The following GPRIN2 variants were observed in gnomAD, a reference collection of about 807,000 sequenced individuals.
The protein encoded by GPRIN2 is G protein-regulated inducer of neurite outgrowth 2.
In GPRIN2, 1 loss-of-function variant was observed where a neutral mutation model predicts 0.3. The observed-to-expected ratio is 3.90, with a 90% CI of 1.39 to 18.51. GPRIN2 has a LOEUF of 18.51. Ranked by LOEUF, GPRIN2 falls within the 30% of genes most tolerant of loss-of-function variation. The pLI is 0.11. For synonymous variants in GPRIN2, 361 were observed against 258.6 expected (o/e 1.40, Z -3.80); for missense variants, 880 against 604.2 (o/e 1.46, Z -4.79).
At position 46,548,629 on chromosome 10, in the gene GPRIN2, CT is replaced by C. The variant is rs1196386110; in HGVS notation, c.*730del. Among the ~76,000 whole-genome samples, 1 of 152,304 alleles carries C rather than the reference CT, an allele frequency of 6.6e-6. No individual in the cohort carries two copies. Among genetic ancestry groups the C allele is most frequent in the Non-Finnish European group, 1.5e-5 (1 of 68,056 alleles). On this transcript the variant is annotated 3_prime_UTR_variant, in exon 3 of 3. Coordinates refer to ENST00000374314, the MANE Select transcript of GPRIN2 (RefSeq NM_001385282.1). ...TGAGCTCAGCCAGGGCAGGGGCAGC[CT>C]CTGTCTCATTCACCACAGAATCCAC...
rs1228761197 is a variant in GPRIN2, at chr10:46,556,533, C to G, written c.-153G>C. Among the ~76,000 whole-genome samples, 2 of 152,242 alleles carry G rather than the reference C, an allele frequency of 1.3e-5. No homozygotes were observed. Among genetic ancestry groups the G allele is most frequent in the Non-Finnish European group, 2.9e-5 (2 of 68,030 alleles). ...GCCGGGGCCGCGCAGGCGGGGGAAG[C>G]GCTGCTCCTGCGGCCGCCACAGGTG... On this transcript the variant is annotated 5_prime_UTR_variant, in exon 1 of 3. Coordinates refer to ENST00000374314, the MANE Select transcript of GPRIN2 (RefSeq NM_001385282.1).
At chr10:46,555,056 CTT>C (rs1831948035) in intron 1 of GPRIN2, among the ~76,000 whole-genome samples, 176 of 152,296 alleles carry the variant, frequency 1.2e-3, no homozygotes, top group East Asian at 6.0e-3. Context: ...ACGTGATTCT[CTT>C]GTCTTAGTCT....
intron 1 of GPRIN2, among the ~76,000 whole-genome samples, chr10:46,555,978 C>A (rs1410932682): frequency 6.6e-6 from 1 of 152,306 alleles, no homozygotes; most frequent in African/African-American, 2.4e-5. Context: ...AGCTCCCCTC[C>A]CGCCCCTCCT....
At position 46,544,844 on chromosome 10, in the gene GPRIN2, C is replaced by G. The variant is rs1333966162; in HGVS notation, c.*4516G>C. On this transcript the variant is annotated 3_prime_UTR_variant, in exon 3 of 3. Coordinates refer to ENST00000374314, the MANE Select transcript of GPRIN2 (RefSeq NM_001385282.1). ...TGGATCTTAACAGATCAGACTTAAA[C>G]TAATTTGCCCATGATGACCGTGTGG... Among the ~76,000 whole-genome samples the G allele has an allele frequency of 7.9e-5, 12 of 152,282 alleles. No individual in the cohort carries two copies. The highest frequency in any genetic ancestry group is 1.3e-4 in the Non-Finnish European group (9 of 68,042).
In GPRIN2 at chr10:46,549,516, G is replaced by C; in HGVS notation, c.1221C>G (p.Ile407Met). 6.2e-7 allele frequency: 1 copy of C among 1,612,950 alleles called. No homozygotes were observed. ...AVDLEVLGVA[I>M]QKHLEMQFEQ... ...CAAACTGCATCTCCAGGTGCTTCTG[G>C]ATGGCCACACCGAGCACCTCCAGGT... The change falls in exon 3 of 3, where the codon ATC (isoleucine) becomes ATG (methionine). Residue 407 changes from isoleucine to methionine, a missense_variant. Ile to Met is a conservative substitution (Grantham distance 10). Coordinates refer to ENST00000374314, the MANE Select transcript of GPRIN2 (RefSeq NM_001385282.1).
In GPRIN2 at chr10:46,548,383, C is replaced by T. The variant is rs1172550127; in HGVS notation, c.*977G>A. ...AACTCCTGCCCTGTCCCCCTCCATTCCTGCCCTCCCTCCTTCCACAAACTG... is the reference window on the plus strand; with the variant it reads ...AACTCCTGCCCTGTCCCCCTCCATTTCTGCCCTCCCTCCTTCCACAAACTG... On this transcript the variant is annotated 3_prime_UTR_variant, in exon 3 of 3. Coordinates refer to ENST00000374314, the MANE Select transcript of GPRIN2 (RefSeq NM_001385282.1). Among the ~76,000 whole-genome samples the T allele has an allele frequency of 6.6e-6, 1 of 152,414 alleles. No homozygotes were observed. Among genetic ancestry groups the T allele is most frequent in the African/African-American group, 2.4e-5 (1 of 41,608 alleles).
At chr10:46,556,795 C>T (rs1273800671), upstream of GPRIN2, among the ~76,000 whole-genome samples, 2 of 152,274 alleles carry the variant, frequency 1.3e-5, no homozygotes, top group Non-Finnish European at 2.9e-5. Flanking sequence ...CGCGCGCCCC[C>T]ACCCCTCCTT....
rs1461233496 is a variant in GPRIN2 at position 46,545,967 on chromosome 10, G to A, written c.*3393C>T. 1.3e-5 allele frequency among the ~76,000 whole-genome samples: 2 copies of A among 152,306 alleles called. No individual in the cohort carries two copies. The highest frequency in any genetic ancestry group is 2.9e-5 in the Non-Finnish European group (2 of 68,054). ...CTCCAGCTTTAGCCCACTAAGCTAC[G>A]GTGGCCAACCCCAGCCCAAAGTGTT... On this transcript the variant is annotated 3_prime_UTR_variant, in exon 3 of 3. Coordinates refer to ENST00000374314, the MANE Select transcript of GPRIN2 (RefSeq NM_001385282.1).
Position 46,542,610 on chromosome 10 carries a change from T to C in GPRIN2, c.*6750A>G, listed in dbSNP as rs1239536724. On this transcript the variant is annotated 3_prime_UTR_variant, in exon 3 of 3. Transcript: ENST00000374314. ...TGAGGCTCCCCGGGCCACGTGGAAC[T>C]GTGAGTCAATTAAACCTCTTTCCTT... 6.7e-6 allele frequency among the ~76,000 whole-genome samples: 1 copy of C among 149,538 alleles called. No individual in the cohort carries two copies. The highest frequency in any genetic ancestry group is 2.6e-5 in the African/African-American group (1 of 38,870).
rs1035834942 is a variant in GPRIN2, at chr10:46,546,006, A to G, written c.*3354T>C. On this transcript the variant is annotated 3_prime_UTR_variant, in exon 3 of 3. Transcript: ENST00000374314. ...GCCCAAAGTGTTGGGACCTGCGTGT[A>G]GAAGACCCCTTCAGCCCTTGTAAAG... Among the ~76,000 whole-genome samples the G allele has an allele frequency of 6.6e-6, 1 of 152,306 alleles. No individual in the cohort carries two copies. Among genetic ancestry groups the G allele is most frequent in the Non-Finnish European group, 1.5e-5 (1 of 68,054 alleles).
chr10:46,549,252 A>G lies in GPRIN2; in HGVS notation c.*108T>C, dbSNP rs1832757124. On this transcript the variant is annotated 3_prime_UTR_variant, in exon 3 of 3. Coordinates refer to ENST00000374314, the MANE Select transcript of GPRIN2 (RefSeq NM_001385282.1). ...GAGGCAGCCAATATTCAGGTGAGAG[A>G]TGTGCCCAGCTGCCGGTGGGTCCAG... 8.0e-5 allele frequency: 108 copies of G among 1,352,078 alleles called. No individual in the cohort carries two copies. The East Asian group carries it at 2.3e-3, about 29-fold the overall frequency. 83.8% of individuals were successfully genotyped at this position (1,352,078 alleles called of 1,614,324 possible).
chr10:46,545,963 C>T lies in GPRIN2; in HGVS notation c.*3397G>A, dbSNP rs1398076438. 6.6e-6 allele frequency among the ~76,000 whole-genome samples: 1 copy of T among 152,310 alleles called. No individual in the cohort carries two copies. The highest frequency in any genetic ancestry group is 1.5e-5 in the Non-Finnish European group (1 of 68,056). Reference sequence around the variant, plus strand: ...CAAACTCCAGCTTTAGCCCACTAAGCTACGGTGGCCAACCCCAGCCCAAAG... The same window carrying T: ...CAAACTCCAGCTTTAGCCCACTAAGTTACGGTGGCCAACCCCAGCCCAAAG... On this transcript the variant is annotated 3_prime_UTR_variant, in exon 3 of 3. Transcript: ENST00000374314.
rs1832645844 is a variant in GPRIN2, at chr10:46,549,639, T to G, written c.1098A>C (p.Val366=). The G allele has an allele frequency of 1.2e-6, 2 of 1,614,238 alleles. No individual in the cohort carries two copies. Among genetic ancestry groups the G allele is most frequent in the Non-Finnish European group, 1.7e-6 (2 of 1,180,008 alleles). Residue 366 remains valine, a synonymous_variant, in exon 3 of 3, where the codon GTA becomes GTC. Transcript: ENST00000374314. The part of the protein sequence containing the change: ...APAALHVFPE[V]TLGSSLEEVP... The stretch of plus-strand genomic sequence containing the variant: ...CCTCCTCCAGGCTGGACCCCAGAGT[T>G]ACCTCTGGGAACACATGCAGGGCTG...
rs1832591884 is a variant in GPRIN2 at position 46,549,776 on chromosome 10, C to T, written c.961G>A (p.Asp321Asn). 1.2e-6 allele frequency: 2 copies of T among 1,614,196 alleles called. No individual in the cohort carries two copies. The highest frequency in any genetic ancestry group is 2.2e-5 in the East Asian group (1 of 44,894). Residue 321 changes from aspartate to asparagine, a missense_variant, in exon 3 of 3, where the codon GAC becomes AAC. Physicochemically the swap from Asp to Asn is conservative, Grantham distance 23. Coordinates refer to ENST00000374314, the MANE Select transcript of GPRIN2 (RefSeq NM_001385282.1). The stretch of plus-strand genomic sequence containing the variant: ...GGGGATGCCTCTGCAGGGGCCAAGT[C>T]ATTGGCTGAGGTCATGGTCCACACA... ...KDVWTMTSANDLAPAEASPLS... is the reference protein window; with the variant it reads ...KDVWTMTSANNLAPAEASPLS...
In GPRIN2 at chr10:46,549,623, G is replaced by T. The variant is rs1832650316; in HGVS notation, c.1114C>A (p.Leu372Met). 7.4e-6 allele frequency: 12 copies of T among 1,614,260 alleles called. No homozygotes were observed. In the South Asian group the frequency reaches 8.8e-5, roughly 12 times the overall value. ...CGCACAGGGGACGGCACCTCCTCCA[G>T]GCTGGACCCCAGAGTTACCTCTGGG... is the stretch of plus-strand genomic sequence containing the variant. ...VFPEVTLGSSLEEVPSPVRDV... is the reference protein window; with the variant it reads ...VFPEVTLGSSMEEVPSPVRDV... The change falls in exon 3 of 3, where the codon CTG becomes ATG. Residue 372 changes from leucine to methionine, a missense_variant. Leu to Met is a conservative substitution (Grantham distance 15). Coordinates refer to ENST00000374314, the MANE Select transcript of GPRIN2 (RefSeq NM_001385282.1).
Position 46,547,489 on chromosome 10 carries a change from C to T in GPRIN2, c.*1871G>A, listed in dbSNP as rs1214332278. Among the ~76,000 whole-genome samples, 2 of 152,306 alleles carry T rather than the reference C, an allele frequency of 1.3e-5. No individual in the cohort carries two copies. The highest frequency in any genetic ancestry group is 1.9e-4 in the East Asian group (1 of 5,204). Reference sequence around the variant, plus strand: ...GCCACTGCAGAAACTCATTATGGCCCAGGCAGGACAGGCACATCCAAGTAT... The same window carrying T: ...GCCACTGCAGAAACTCATTATGGCCTAGGCAGGACAGGCACATCCAAGTAT... On this transcript the variant is annotated 3_prime_UTR_variant, in exon 3 of 3. Coordinates refer to ENST00000374314, the MANE Select transcript of GPRIN2 (RefSeq NM_001385282.1).
rs1843264733 is a variant in GPRIN2 at position 46,556,604 on chromosome 10, G to T, written c.-224C>A. Among the ~76,000 whole-genome samples, 1 of 151,988 alleles carries T rather than the reference G, an allele frequency of 6.6e-6. No homozygotes were observed. The highest frequency in any genetic ancestry group is 1.5e-5 in the Non-Finnish European group (1 of 67,966). ...TGGAGCCAGAGCCGACCTGGCCTGG[G>T]CGCGAGACGCCGCCCGCCGCCGTCG... On this transcript the variant is annotated 5_prime_UTR_variant, in exon 1 of 3. Transcript: ENST00000374314.
In GPRIN2 at chr10:46,549,389, A is replaced by G; in HGVS notation, c.1348T>C (p.Cys450Arg). The change falls in exon 3 of 3, where the codon TGC becomes CGC. Residue 450 changes from cysteine to arginine, a missense_variant. By Grantham distance (180) the Cys-to-Arg change is radical. Transcript: ENST00000374314. Reference sequence around the variant, plus strand: ...TCGGGGGCCGCGCCGGAGCAGCCGCAGCAGCTGGGGCGCCGCAGGGACTGC... The same window carrying G: ...TCGGGGGCCGCGCCGGAGCAGCCGCGGCAGCTGGGGCGCCGCAGGGACTGC... ...VMQSLRRPSC[C>R]GCSGAAPE 1 of 1,495,576 alleles carries G rather than the reference A, an allele frequency of 6.7e-7. No individual in the cohort carries two copies. The allele number at this position is 1,495,576 out of a possible 1,614,324, so 92.6% of individuals were successfully genotyped here.
At chr10:46,554,278 C>T (rs1214302489) in intron 2 of GPRIN2, among the ~76,000 whole-genome samples, 1 of 152,312 alleles carries the variant, frequency 6.6e-6, no homozygotes, top group Non-Finnish European at 1.5e-5. Context: ...GGTTAGCCTC[C>T]TCTAGCTTCC....
Sources: allele counts gnomAD v4.1 joint callset (sites outside exome capture counted in the v4.1 genomes callset), GRCh38; gene constraint gnomAD v4.1.1; transcripts MANE v1.5; gene names NCBI Gene and HGNC (gene_info 2026-07-23, HGNC 2026-07-21).